Variants in NRXN1 observed in about 807,000 individuals in gnomAD.
The protein encoded by NRXN1 is neurexin 1, also known as neurexin-1.
Under a neutral mutation model 150.9 loss-of-function variants are expected in NRXN1, and 39 were observed. The ratio of observed to expected loss-of-function variants is 0.26; its 90% CI spans 0.20 to 0.34. The LOEUF (loss-of-function observed/expected upper bound fraction) is 0.34, where lower values mean the gene tolerates loss of function less well. Ranked by LOEUF, NRXN1 falls within the 10% of genes least tolerant of loss-of-function variation. NRXN1 has a pLI of 1.00. For missense variants in NRXN1, 1,815 were observed against 1,949.9 expected (o/e 0.93, Z 1.30); for synonymous variants, 924 against 757.0 (o/e 1.22, Z -3.62).
intron 18 of NRXN1, among the ~76,000 whole-genome samples, chr2:50,161,662 T>C (rs2059371320): frequency 6.6e-6 from 1 of 152,180 alleles, no homozygotes; most frequent in South Asian, 2.1e-4. Flanking sequence ...CATAATAATT[T>C]TGATTTATCT....
intron 2 of NRXN1, among the ~76,000 whole-genome samples, chr2:50,983,707 T>A (rs2104910844): frequency 6.6e-6 from 1 of 152,212 alleles, no homozygotes; most frequent in Non-Finnish European, 1.5e-5. Context: ...AGAAAAAACA[T>A]AAAATAAAAA....
chr2:50,253,121 C>T (rs1480375603), intron 17 of NRXN1, among the ~76,000 whole-genome samples: 1 of 147,770 alleles, frequency 6.8e-6, no homozygotes, highest in Non-Finnish European at 1.5e-5. Flanking sequence ...TGAAGAGGTC[C>T]TTCACTTCCC....
chr2:50,229,362 T>C (rs1385962215), intron 18 of NRXN1, among the ~76,000 whole-genome samples: 4 of 151,982 alleles, frequency 2.6e-5, no homozygotes, highest in Admixed American at 6.6e-5. Context: ...GTAATTTTCC[T>C]GATCATTGTG....
chr2:50,139,506 G>A (rs1706942465), intron 18 of NRXN1, among the ~76,000 whole-genome samples: 1 of 152,126 alleles, frequency 6.6e-6, no homozygotes, highest in African/African-American at 2.4e-5. Context: ...TAGGGCAAAA[G>A]TATGACGGAC....
intron 21 of NRXN1, among the ~76,000 whole-genome samples, chr2:50,029,955 T>C (rs900704831): frequency 6.6e-6 from 1 of 151,942 alleles, no homozygotes; most frequent in African/African-American, 2.4e-5. Context: ...CATGCCAAAA[T>C]ATAAAATAAA....
At chr2:50,504,916 G>A (rs1245724460) in intron 13 of NRXN1, among the ~76,000 whole-genome samples, 3 of 152,040 alleles carry the variant, frequency 2.0e-5, no homozygotes, top group Non-Finnish European at 4.4e-5. Flanking sequence ...ATTCTTTCTT[G>A]CATTATCCTT....
intron 18 of NRXN1, among the ~76,000 whole-genome samples, chr2:50,094,325 C>T (rs184032176): frequency 6.6e-6 from 1 of 152,186 alleles, no homozygotes; most frequent in East Asian, 1.9e-4. Flanking sequence ...CATCAAAATG[C>T]AGAAAAAGGC....
At chr2:50,425,562 C>G (rs1428953845) in intron 17 of NRXN1, among the ~76,000 whole-genome samples, 1 of 152,196 alleles carries the variant, frequency 6.6e-6, no homozygotes, top group Non-Finnish European at 1.5e-5. Context: ...TAAAGGCCAA[C>G]ATGAGCCCAT....
intron 19 of NRXN1, among the ~76,000 whole-genome samples, chr2:50,083,151 C>A (rs938112625): frequency 6.6e-6 from 1 of 152,100 alleles, no homozygotes; most frequent in African/African-American, 2.4e-5. Flanking sequence ...TGACAAGTTT[C>A]CTGGGATGGA....
rs796909951 is a variant in NRXN1, at chr2:50,902,385, G to GA, written c.832+19483dup. Among the ~76,000 whole-genome samples, 1,203 of 140,972 alleles carry GA rather than the reference G, an allele frequency of 8.5e-3. 7 individuals carry two copies. The highest frequency in any genetic ancestry group is 0.015 in the African/African-American group (585 of 38,580). 92.5% of individuals were successfully genotyped at this position (140,972 alleles called of 152,430 possible). On this transcript the variant is annotated intron_variant, in intron 5 of 22. Transcript: ENST00000401669. ...ACAAAAACAAGTTTTCTCGGGAACTGAAAAAAAAAAGAGGTCATAAATATT... is the reference window on the plus strand; with the variant it reads ...ACAAAAACAAGTTTTCTCGGGAACTGAAAAAAAAAAAGAGGTCATAAATATT...
chr2:51,026,156 C>A (rs1670422165), intron 2 of NRXN1, among the ~76,000 whole-genome samples: 1 of 152,182 alleles, frequency 6.6e-6, no homozygotes, highest in South Asian at 2.1e-4. Flanking sequence ...CAGCAAAAAT[C>A]AAAGACATTA....
At chr2:49,936,962 C>G (rs928031058) in intron 22 of NRXN1, among the ~76,000 whole-genome samples, 2 of 152,156 alleles carry the variant, frequency 1.3e-5, no homozygotes, top group African/African-American at 4.8e-5. Flanking sequence ...CAAAGATAGG[C>G]TTCTTCCTGC....
At chr2:50,275,508 A>G (rs2070317398) in intron 17 of NRXN1, among the ~76,000 whole-genome samples, 1 of 152,160 alleles carries the variant, frequency 6.6e-6, no homozygotes, top group Admixed American at 6.5e-5. Context: ...ACAGAAAAAA[A>G]AAAATCTATT....
At chr2:50,393,676 G>C (rs2081884106) in intron 17 of NRXN1, among the ~76,000 whole-genome samples, 1 of 152,010 alleles carries the variant, frequency 6.6e-6, no homozygotes. Flanking sequence ...TTACATCGAA[G>C]TGTTCCTTTA....
rs1386302827 is a variant in NRXN1, at chr2:50,102,162, G to A, written c.3547-10668C>T. On this transcript the variant is annotated intron_variant, in intron 18 of 22. Coordinates refer to ENST00000401669, the MANE Select transcript of NRXN1 (RefSeq NM_001330078.2). ...TGTGTGATTGTGGCACAACAGAGGA[G>A]AATATGGAATCTCTAAGGCAGAAAT... Among the ~76,000 whole-genome samples the A allele has an allele frequency of 2.0e-5, 3 of 151,936 alleles. 1 individual carries two copies. Among genetic ancestry groups the A allele is most frequent in the South Asian group, 4.1e-4 (2 of 4,822 alleles).
At chr2:50,911,562 C>T (rs1216888013) in intron 5 of NRXN1, among the ~76,000 whole-genome samples, 1 of 151,830 alleles carries the variant, frequency 6.6e-6, no homozygotes. Context: ...TTTAATGGTT[C>T]TTTCTCCACA....
At chr2:50,050,798 A>T (rs1692594244) in intron 21 of NRXN1, among the ~76,000 whole-genome samples, 1 of 151,812 alleles carries the variant, frequency 6.6e-6, no homozygotes, top group South Asian at 2.1e-4. Flanking sequence ...TTTTTTCCCC[A>T]TACATACATG....
chr2:50,328,209 AT>A (rs1306717057), intron 17 of NRXN1, among the ~76,000 whole-genome samples: 2 of 151,002 alleles, frequency 1.3e-5, no homozygotes, highest in South Asian at 2.1e-4. Flanking sequence ...TATTTTTGTA[AT>A]TTTTTTTGTT....
At chr2:50,162,746 CT>C (rs1236739260) in intron 18 of NRXN1, among the ~76,000 whole-genome samples, 1 of 151,930 alleles carries the variant, frequency 6.6e-6, no homozygotes, top group Non-Finnish European at 1.5e-5. Flanking sequence ...ACTATTCTGC[CT>C]AACCTCATGG....
Sources: gnomAD v4.1 joint callset for allele counts (sites outside exome capture counted in the v4.1 genomes callset) on GRCh38, gnomAD v4.1.1 for gene constraint, MANE v1.5 for transcripts, NCBI Gene and HGNC (gene_info 2026-07-23, HGNC 2026-07-21) for gene names.